The following MTURN variants were observed in gnomAD, a reference collection of about 807,000 sequenced individuals.
MTURN encodes the protein maturin.
MTURN carries 7 observed loss-of-function variants against 14.9 expected under a neutral mutation model. That is an observed-to-expected ratio of 0.47 (90% CI 0.27 to 0.88). The LOEUF is 0.88. MTURN is among the 40% of genes least tolerant of loss of function. The probability of loss-of-function intolerance (pLI) is 0.14; values close to 1 mark genes in which losing one functional copy is unlikely to be tolerated. For synonymous variants in MTURN, 69 were observed against 72.5 expected (o/e 0.95, Z 0.25); for missense variants, 151 against 174.1 (o/e 0.87, Z 0.75).
At position 30,158,824 on chromosome 7, in the gene MTURN, A is replaced by T. The variant is rs1327666010; in HGVS notation, c.*1276A>T. 6.6e-6 allele frequency: 1 copy of T among 152,206 alleles called. No homozygotes were observed. Among genetic ancestry groups the T allele is most frequent in the Non-Finnish European group, 1.5e-5 (1 of 68,046 alleles). The allele number at this position is 152,206 out of a possible 1,614,324, so 9.4% of individuals were successfully genotyped here. ...CATCCCTGGTTTTAGTTAACCTAGG[A>T]TGCGGAATGCCTCCTTTACAACACT... On this transcript the variant is annotated 3_prime_UTR_variant, in exon 3 of 3. Coordinates refer to ENST00000324453, the MANE Select transcript of MTURN (RefSeq NM_152793.3).
intron 1 of MTURN, among the ~76,000 whole-genome samples, chr7:30,142,220 T>TA (rs1329229267): frequency 2.0e-5 from 3 of 152,214 alleles, no homozygotes; most frequent in Non-Finnish European, 4.4e-5. Context: ...GCTTTTATGA[T>TA]AAACTCTGGC....
rs1401663090 is a variant in MTURN, at chr7:30,159,835, G to A, written c.*2287G>A. ...ACACACTCACTTCTTCCTGCGCTGT[G>A]GCTGCTCTAAGCAGGGCTGTGCATG... On this transcript the variant is annotated 3_prime_UTR_variant, in exon 3 of 3. Transcript: ENST00000324453. 6.5e-6 allele frequency: 1 copy of A among 152,696 alleles called. No individual in the cohort carries two copies. The highest frequency in any genetic ancestry group is 1.5e-5 in the Non-Finnish European group (1 of 68,070). The allele number at this position is 152,696 out of a possible 1,614,324, so 9.5% of individuals were successfully genotyped here. A position where few individuals can be genotyped will look rare whatever the true frequency, so the allele number is the denominator to read the frequency against.
At chr7:30,146,094 T>C (rs1036568858) in intron 1 of MTURN, 83 bp from the exon 2 acceptor site, 107 of 1,601,054 alleles carry the variant, frequency 6.7e-5, no homozygotes, top group Middle Eastern at 1.7e-4. Flanking sequence ...ATTAAGAAAA[T>C]CTGCTTGGCT....
chr7:30,140,703 G>A (rs1797038050), intron 1 of MTURN, among the ~76,000 whole-genome samples: 1 of 152,102 alleles, frequency 6.6e-6, no homozygotes. Context: ...CATTGGCTGT[G>A]CCTGTTCATA....
intron 2 of MTURN, among the ~76,000 whole-genome samples, chr7:30,149,188 G>T (rs66691214): frequency 0.36 from 54,932 of 152,152 alleles, 10,811 homozygotes; most frequent in East Asian, 0.73. Flanking sequence ...CGGATGTGCA[G>T]CTGAAAGCAG....
chr7:30,156,365 T>C (rs1484020851), intron 2 of MTURN, among the ~76,000 whole-genome samples: 1 of 152,218 alleles, frequency 6.6e-6, no homozygotes, highest in African/African-American at 2.4e-5. Flanking sequence ...CATATGTGTA[T>C]AAATTTTAAG....
At chr7:30,157,341 A>T in intron 2 of MTURN, 97 bp from the exon 3 acceptor site, 2 of 941,746 alleles carry the variant, frequency 2.1e-6, no homozygotes, top group Non-Finnish European at 3.0e-6. Flanking sequence ...CTGCTGGGTT[A>T]AGTACTCTTT....
At chr7:30,152,652 C>G (rs948243859) in intron 2 of MTURN, among the ~76,000 whole-genome samples, 4 of 152,180 alleles carry the variant, frequency 2.6e-5, no homozygotes, top group Non-Finnish European at 5.9e-5. Context: ...GTTGATTGGC[C>G]GTGCTCTCCA....
chr7:30,157,520 AC>A lies in MTURN; in HGVS notation c.373del (p.Gln125ArgfsTer41). 1.9e-6 allele frequency: 3 copies of A among 1,602,830 alleles called. No homozygotes were observed. Among genetic ancestry groups the A allele is most frequent in the East Asian group, 2.3e-5 (1 of 43,626 alleles). Reference sequence around the variant, plus strand: ...GAAGAAGAGGAGCCAGAGGCGGACCACCCCCAGATGGGGGTCAGCCAGCAGT... The same window carrying A: ...GAAGAAGAGGAGCCAGAGGCGGACCACCCCAGATGGGGGTCAGCCAGCAGT... Reference protein sequence around the residue: ...DVEEEEPEADHPQMGVSQQ With the variant: ...DVEEEEPEADXPQMGVSQQ On this transcript the variant is annotated frameshift_variant, in exon 3 of 3. Coordinates refer to ENST00000324453, the MANE Select transcript of MTURN (RefSeq NM_152793.3). LOFTEE classifies it high-confidence loss of function.
intron 2 of MTURN, among the ~76,000 whole-genome samples, chr7:30,151,929 G>A (rs1458929226): frequency 1.3e-5 from 2 of 152,204 alleles, no homozygotes; most frequent in East Asian, 3.9e-4. Flanking sequence ...CAAGTGGCTG[G>A]AGAGCTGCGG....
intron 1 of MTURN, among the ~76,000 whole-genome samples, chr7:30,136,522 C>G (rs1341204764): frequency 2.0e-5 from 3 of 152,138 alleles, no homozygotes; most frequent in Non-Finnish European, 4.4e-5. Flanking sequence ...GTCCTGCCGC[C>G]GAGCGCCCTG....
At chr7:30,156,052 T>A (rs12531426) in intron 2 of MTURN, among the ~76,000 whole-genome samples, 19,357 of 152,020 alleles carry the variant, frequency 0.13, 1,357 homozygotes, top group African/African-American at 0.17. Context: ...AGACTGTAGA[T>A]CTCATGAAGG....
intron 1 of MTURN, 100 bp downstream of exon 1, chr7:30,135,398 A>T: frequency 4.3e-6 from 5 of 1,156,008 alleles, no homozygotes; most frequent in Non-Finnish European, 5.6e-6. Flanking sequence ...CGGTGGGCGC[A>T]GAGTGGGGGG....
At chr7:30,154,701 C>T (rs7811155) in intron 2 of MTURN, among the ~76,000 whole-genome samples, 1 of 152,106 alleles carries the variant, frequency 6.6e-6, no homozygotes, top group South Asian at 2.1e-4. Flanking sequence ...TTTCCACACA[C>T]CCTCTCAATA....
At chr7:30,147,447 G>T (rs1797145724) in intron 2 of MTURN, among the ~76,000 whole-genome samples, 1 of 152,156 alleles carries the variant, frequency 6.6e-6, no homozygotes, top group African/African-American at 2.4e-5. Context: ...TGCGGGTCTG[G>T]CCTCCTGTGC....
chr7:30,146,067 T>G, intron 1 of MTURN, 110 bp from the exon 2 acceptor site: 3 of 1,597,730 alleles, frequency 1.9e-6, no homozygotes, highest in Non-Finnish European at 1.7e-6. Context: ...AATGGAGGCC[T>G]TCTTCAAATT....
chr7:30,146,000 T>C, intron 1 of MTURN, 177 bp from the exon 2 acceptor site: 1 of 1,549,290 alleles, frequency 6.5e-7, no homozygotes, highest in South Asian at 1.2e-5. Context: ...GATTAGACAT[T>C]TTTTCTTCCC....
Position 30,135,055 on chromosome 7 carries a change from C to T in MTURN, c.-82C>T, listed in dbSNP as rs1224497661. Reference sequence around the variant, plus strand: ...CCGGAGGAGCCCGCGCAGGCCGAGCCGAGCGCCGCGCTGCCCGCCCGGGAG... The same window carrying T: ...CCGGAGGAGCCCGCGCAGGCCGAGCTGAGCGCCGCGCTGCCCGCCCGGGAG... On this transcript the variant is annotated 5_prime_UTR_variant, in exon 1 of 3. Coordinates refer to ENST00000324453, the MANE Select transcript of MTURN (RefSeq NM_152793.3). The T allele has an allele frequency of 5.2e-6, 6 of 1,154,432 alleles. No individual in the cohort carries two copies. In the African/African-American group the frequency reaches 6.7e-5, roughly 13 times the overall value. 71.5% of individuals were successfully genotyped at this position (1,154,432 alleles called of 1,614,324 possible). A position where few individuals can be genotyped will look rare whatever the true frequency, so the allele number is the denominator to read the frequency against.
Position 30,135,156 on chromosome 7 carries a change from C to A in MTURN, c.20C>A (p.Ala7Asp). The A allele has an allele frequency of 4.1e-6, 6 of 1,465,858 alleles. No homozygotes were observed. The highest frequency in any genetic ancestry group is 5.4e-6 in the Non-Finnish European group (6 of 1,102,336). The allele number at this position is 1,465,858 out of a possible 1,614,324, so 90.8% of individuals were successfully genotyped here. Residue 7 changes from alanine (A) to aspartate (D), a missense_variant, in exon 1 of 3, where the codon GCC becomes GAC. Coordinates refer to ENST00000324453, the MANE Select transcript of MTURN (RefSeq NM_152793.3). MDFQQL[A>D]DVAEKWCSNT... ...GCCGCGATGGATTTCCAGCAGCTGGCCGACGTTGCGGAGAAATGGTGCTCC... is the reference window on the plus strand; with the variant it reads ...GCCGCGATGGATTTCCAGCAGCTGGACGACGTTGCGGAGAAATGGTGCTCC...
Sources: allele counts gnomAD v4.1 joint callset (sites outside exome capture counted in the v4.1 genomes callset), GRCh38; gene constraint gnomAD v4.1.1; transcripts MANE v1.5; gene names NCBI Gene and HGNC (gene_info 2026-07-23, HGNC 2026-07-21).